Variants in MYRIP observed in about 807,000 individuals in gnomAD.
MYRIP encodes rab effector MyRIP.
MYRIP carries 49 observed loss-of-function variants against 98.0 expected under a neutral mutation model. The observed-to-expected ratio is 0.50, with a 90% confidence interval of 0.40 to 0.63. The LOEUF is 0.63. MYRIP is among the 30% of genes least tolerant of loss of function. The pLI, the probability that MYRIP is intolerant of heterozygous loss-of-function variation, is 0.00. For missense variants in MYRIP, 1,004 were observed against 1,058.2 expected, an observed-to-expected ratio of 0.95 and a Z score of 0.71; for synonymous variants, 404 against 409.5, an observed-to-expected ratio of 0.99 and a Z score of 0.16.
At chr3:40,005,915 C>A (rs941262445) in intron 2 of MYRIP, among the ~76,000 whole-genome samples, 6 of 152,080 alleles carry the variant, frequency 3.9e-5, no homozygotes, top group Non-Finnish European at 5.9e-5. Context: ...AATTCAGGTG[C>A]TTTGAGAGTC....
intron 11 of MYRIP, among the ~76,000 whole-genome samples, chr3:40,224,034 T>G (rs1952417313): frequency 6.6e-6 from 1 of 152,102 alleles, no homozygotes; most frequent in Non-Finnish European, 1.5e-5. Flanking sequence ...AAGGTGGAGA[T>G]GACCTTGACA....
Position 40,064,173 on chromosome 3 carries a change from C to G in MYRIP, c.332+19902C>G, listed in dbSNP as rs1046127018. Reference sequence around the variant, plus strand: ...TTCTCCACCTTATTATATGTAGTCCCGTCAGGTGGACAGTACCCCCCTTTT... The same window carrying G: ...TTCTCCACCTTATTATATGTAGTCCGGTCAGGTGGACAGTACCCCCCTTTT... On this transcript the variant is annotated intron_variant, in intron 3 of 16. Coordinates refer to ENST00000302541, the MANE Select transcript of MYRIP (RefSeq NM_015460.4). 3.3e-5 allele frequency among the ~76,000 whole-genome samples: 5 copies of G among 151,826 alleles called. No homozygotes were observed. In the East Asian group the frequency reaches 5.8e-4, roughly 18 times the overall value.
At chr3:40,019,027 T>C (rs1303097109) in intron 2 of MYRIP, among the ~76,000 whole-genome samples, 3 of 152,202 alleles carry the variant, frequency 2.0e-5, no homozygotes, top group African/African-American at 7.2e-5. Context: ...CTCTCAGCTT[T>C]TGTAACCATC....
chr3:40,225,852 C>T (rs1952472996), intron 11 of MYRIP, among the ~76,000 whole-genome samples: 1 of 152,184 alleles, frequency 6.6e-6, no homozygotes, highest in South Asian at 2.1e-4. Context: ...GCAACTTGAA[C>T]TGCTAAAAGG....
intron 2 of MYRIP, among the ~76,000 whole-genome samples, chr3:39,935,342 G>C (rs1944633561): frequency 6.6e-6 from 1 of 152,180 alleles, no homozygotes; most frequent in Non-Finnish European, 1.5e-5. Context: ...CTGTAAATAT[G>C]ACAGTTGGTG....
chr3:40,138,856 T>C (rs1177743055), intron 3 of MYRIP, among the ~76,000 whole-genome samples: 1 of 152,240 alleles, frequency 6.6e-6, no homozygotes, highest in African/African-American at 2.4e-5. Context: ...TATTTGACAC[T>C]ATGTTGTATA....
intron 3 of MYRIP, among the ~76,000 whole-genome samples, chr3:40,071,473 A>C (rs1430219796): frequency 6.6e-6 from 1 of 152,176 alleles, no homozygotes; most frequent in Non-Finnish European, 1.5e-5. Flanking sequence ...GGAGAGGCTG[A>C]CAGTTTATTT....
chr3:40,108,148 A>C (rs894998486), intron 3 of MYRIP, among the ~76,000 whole-genome samples: 2 of 149,746 alleles, frequency 1.3e-5, no homozygotes, highest in African/African-American at 4.9e-5. Flanking sequence ...AAGCTGCAGC[A>C]CTTAGTTATG....
Position 39,958,704 on chromosome 3 carries a change from C to T in MYRIP, c.110+57778C>T, listed in dbSNP as rs556164303. On this transcript the variant is annotated intron_variant, in intron 2 of 16. Transcript: ENST00000302541. ...GGGATCTAATTAAACTAAAGAGCTT[C>T]TGCACAGCAAAAGAAACTGCCATCA... 1.9e-3 allele frequency among the ~76,000 whole-genome samples: 283 copies of T among 152,314 alleles called. 1 individual carries two copies. Among genetic ancestry groups the T allele is most frequent in the African/African-American group, 6.4e-3 (268 of 41,564 alleles).
At chr3:40,091,489 C>CT (rs1363116442) in intron 3 of MYRIP, among the ~76,000 whole-genome samples, 9 of 152,186 alleles carry the variant, frequency 5.9e-5, no homozygotes, top group African/African-American at 2.2e-4. Flanking sequence ...GTACTAGCCA[C>CT]TTTTTTAAAA....
At chr3:40,014,658 G>C (rs1227784746) in intron 2 of MYRIP, among the ~76,000 whole-genome samples, 10 of 152,166 alleles carry the variant, frequency 6.6e-5, no homozygotes. Context: ...CCACCATTGT[G>C]GTCTATGGTA....
rs150352944 is a variant in MYRIP at position 40,223,891 on chromosome 3, C to T, written c.1906-9968C>T. 9.9e-5 allele frequency among the ~76,000 whole-genome samples: 15 copies of T among 152,194 alleles called. No homozygotes were observed. In the East Asian group the frequency reaches 2.3e-3, roughly 24 times the overall value. ...ATAGTGATAAGTGCTAAGAAGATGA[C>T]GTAGGGCAGAGGGCAGAGTCCTGGA... On this transcript the variant is annotated intron_variant, in intron 11 of 16. Coordinates refer to ENST00000302541, the MANE Select transcript of MYRIP (RefSeq NM_015460.4).
At chr3:39,831,916 G>C (rs17709632) in intron 1 of MYRIP, among the ~76,000 whole-genome samples, 7,457 of 152,274 alleles carry the variant, frequency 0.049, 226 homozygotes, top group Non-Finnish European at 0.073. Flanking sequence ...TGTATGTAAA[G>C]AAAAGATAAC....
At chr3:40,250,901 T>C (rs541028510) in intron 15 of MYRIP, among the ~76,000 whole-genome samples, 1 of 152,232 alleles carries the variant, frequency 6.6e-6, no homozygotes, top group Non-Finnish European at 1.5e-5. Flanking sequence ...CCCATCCATC[T>C]CTGGCTGAGA....
At chr3:39,857,153 C>T (rs1942323803) in intron 1 of MYRIP, among the ~76,000 whole-genome samples, 1 of 151,678 alleles carries the variant, frequency 6.6e-6, no homozygotes, top group African/African-American at 2.4e-5. Context: ...GTCAAGGAGG[C>T]AGTGAGCCAA....
chr3:40,219,679 G>A (rs1182159201), intron 11 of MYRIP, among the ~76,000 whole-genome samples: 1 of 152,040 alleles, frequency 6.6e-6, no homozygotes, highest in Non-Finnish European at 1.5e-5. Context: ...ATTTTTTATG[G>A]CTGCATAGTA....
chr3:40,094,992 C>G (rs1410327219), intron 3 of MYRIP, among the ~76,000 whole-genome samples: 1 of 152,180 alleles, frequency 6.6e-6, no homozygotes, highest in Non-Finnish European at 1.5e-5. Flanking sequence ...TAACACGAGT[C>G]TGATGTGAGG....
intron 8 of MYRIP, among the ~76,000 whole-genome samples, chr3:40,180,085 C>T (rs752366359): frequency 5.9e-5 from 9 of 152,186 alleles, no homozygotes; most frequent in Non-Finnish European, 1.0e-4. Flanking sequence ...CTGCTCTGGA[C>T]ACTCGAGACA....
rs9813029 is a variant in MYRIP, at chr3:40,000,055, A to T, written c.111-43995A>T. On this transcript the variant is annotated intron_variant, in intron 2 of 16. Transcript: ENST00000302541. ...AGGAGGGGAGGGGGGAGGGATAACA[A>T]TAGGAAATATACCTAATGTTAAATG... Among the ~76,000 whole-genome samples the T allele has an allele frequency of 2.1e-3, 307 of 148,882 alleles. 5 individuals are homozygous for T. The highest frequency in any genetic ancestry group is 7.3e-3 in the African/African-American group (294 of 40,074).
Sources: gnomAD v4.1 joint callset for allele counts (sites outside exome capture counted in the v4.1 genomes callset) on GRCh38, gnomAD v4.1.1 for gene constraint, MANE v1.5 for transcripts, NCBI Gene and HGNC (gene_info 2026-07-23, HGNC 2026-07-21) for gene names.